The following WARS2 variants were observed in gnomAD, a reference collection of about 807,000 sequenced individuals.
WARS2 encodes the protein tryptophanyl tRNA synthetase 2, mitochondrial.
A neutral mutation model predicts 36.5 loss-of-function variants in WARS2; 28 were observed. The observed-to-expected ratio is 0.77, with a 90% confidence interval of 0.57 to 1.05. WARS2 has a LOEUF of 1.05. WARS2 is among the 50% of genes least tolerant of loss of function. WARS2 has a pLI of 0.00. For synonymous variants in WARS2, 174 were observed against 178.4 expected, an observed-to-expected ratio of 0.98 and a Z score of 0.20; for missense variants, 435 against 456.8, an observed-to-expected ratio of 0.95 and a Z score of 0.44.
At chr1:119,077,845 T>C (rs1055497842) in intron 1 of WARS2, among the ~76,000 whole-genome samples, 4 of 152,198 alleles carry the variant, frequency 2.6e-5, no homozygotes, top group Admixed American at 6.5e-5. Flanking sequence ...AAAATGAGTA[T>C]GTATCAATAA....
At chr1:119,075,773 T>C (rs1651680839) in intron 2 of WARS2, among the ~76,000 whole-genome samples, 1 of 152,202 alleles carries the variant, frequency 6.6e-6, no homozygotes. Context: ...TCATCCATAG[T>C]GAAGATATGA....
intron 1 of WARS2, among the ~76,000 whole-genome samples, chr1:119,108,492 C>A (rs1435617606): frequency 1.3e-5 from 2 of 151,938 alleles, no homozygotes; most frequent in African/African-American, 4.8e-5. Context: ...ATAACATCCC[C>A]TTATTATCCT....
At chr1:119,111,921 A>AG in intron 1 of WARS2, among the ~76,000 whole-genome samples, 1 of 151,238 alleles carries the variant, frequency 6.6e-6, no homozygotes, top group Admixed American at 6.6e-5. Context: ...GAGTTTGTTC[A>AG]GATTTTTTTT....
intron 2 of WARS2, among the ~76,000 whole-genome samples, chr1:119,062,155 CTACACCTATGAG>C (rs1181003494): frequency 6.6e-6 from 1 of 152,148 alleles, no homozygotes; most frequent in Non-Finnish European, 1.5e-5. Context: ...AAAATAGTTC[CTACACCTATGAG>C]TACACCTGGA....
At chr1:119,100,197 G>GA (rs756398620) in intron 1 of WARS2, among the ~76,000 whole-genome samples, 17 of 152,054 alleles carry the variant, frequency 1.1e-4, no homozygotes, top group Non-Finnish European at 2.2e-4. Context: ...ACAGGTATTT[G>GA]AAAAAATCTT....
At chr1:119,102,752 T>C (rs911245019) in intron 1 of WARS2, among the ~76,000 whole-genome samples, 5 of 152,200 alleles carry the variant, frequency 3.3e-5, no homozygotes, top group African/African-American at 4.8e-5. Flanking sequence ...ATCTGCTTTC[T>C]TACCCACAGA....
intron 4 of WARS2, among the ~76,000 whole-genome samples, chr1:119,034,497 A>C (rs1647708436): frequency 6.6e-6 from 1 of 152,194 alleles, no homozygotes; most frequent in Non-Finnish European, 1.5e-5. Context: ...GATTTTAAAT[A>C]GCATATGCTC....
At chr1:119,063,956 A>C (rs1463436287) in intron 2 of WARS2, 1 of 152,162 alleles carries the variant, frequency 6.6e-6, no homozygotes, top group African/African-American at 2.4e-5. Flanking sequence ...AGAAGAGGCC[A>C]CCATCCTCCA....
chr1:119,127,256 G>A (rs587679659), intron 1 of WARS2: 56 of 762,676 alleles, frequency 7.3e-5, no homozygotes, highest in South Asian at 5.4e-4. Flanking sequence ...CCTTTTTGCC[G>A]CCTTTCATAA....
In WARS2 at chr1:119,033,239, C is replaced by A. The variant is rs765994519; in HGVS notation, c.755G>T (p.Arg252Leu). 3.7e-6 allele frequency: 6 copies of A among 1,614,128 alleles called. No individual in the cohort carries two copies. Among genetic ancestry groups the A allele is most frequent in the Non-Finnish European group, 5.1e-6 (6 of 1,180,044 alleles). ...DSPEEIVQKF[R>L]KAVTDFTSEV... Reference sequence around the variant, plus strand: ...CGAGGTGAAGTCTGTCACAGCCTTGCGGAATTTCTGCACTATCTCCTCTGG... The same window carrying A: ...CGAGGTGAAGTCTGTCACAGCCTTGAGGAATTTCTGCACTATCTCCTCTGG... Residue 252 changes from arginine to leucine, a missense_variant, in exon 6 of 6, where the codon CGC (arginine) becomes CTC (leucine). Transcript: ENST00000235521.
intron 1 of WARS2, among the ~76,000 whole-genome samples, chr1:119,098,532 G>C (rs587618756): frequency 6.6e-6 from 1 of 152,018 alleles, no homozygotes; most frequent in East Asian, 2.0e-4. Context: ...CTGCCCCCTG[G>C]GTTCAAGCGA....
intron 2 of WARS2, among the ~76,000 whole-genome samples, chr1:119,054,291 G>A (rs903316531): frequency 6.6e-6 from 1 of 151,820 alleles, no homozygotes; most frequent in Non-Finnish European, 1.5e-5. Flanking sequence ...ACATATGAAA[G>A]AGATGCCCAA....
intron 1 of WARS2, among the ~76,000 whole-genome samples, chr1:119,111,251 G>T (rs899550792): frequency 6.6e-6 from 1 of 152,112 alleles, no homozygotes; most frequent in Non-Finnish European, 1.5e-5. Context: ...CAGTAAACAG[G>T]CTTTTAATAG....
chr1:119,055,743 G>A (rs562696628), intron 2 of WARS2, among the ~76,000 whole-genome samples: 11 of 151,232 alleles, frequency 7.3e-5, no homozygotes, highest in African/African-American at 9.7e-5. Context: ...AAGAGGGAGG[G>A]AGGGAGGAAG....
chr1:119,057,379 C>T (rs1385743679), intron 2 of WARS2, among the ~76,000 whole-genome samples: 1 of 150,968 alleles, frequency 6.6e-6, no homozygotes, highest in African/African-American at 2.4e-5. Flanking sequence ...CTCCTGATCT[C>T]GTGATCCTCC....
intron 1 of WARS2, chr1:119,085,490 T>G (rs1652576193): frequency 1.3e-6 from 2 of 1,576,542 alleles, no homozygotes; most frequent in South Asian, 1.2e-5. Context: ...TGCGCTTTTT[T>G]GTTGGTTTTT....
At chr1:119,134,636 G>A (rs1177192308) in intron 1 of WARS2, among the ~76,000 whole-genome samples, 1 of 152,142 alleles carries the variant, frequency 6.6e-6, no homozygotes, top group Admixed American at 6.5e-5. Context: ...TCAAGAAATG[G>A]TAGAGAGAGA....
chr1:119,136,245 CTT>C lies in WARS2; in HGVS notation c.90+4308_90+4309del, dbSNP rs147512084. 7.5e-3 allele frequency among the ~76,000 whole-genome samples: 1,148 copies of C among 152,284 alleles called. 25 individuals carry two copies. The highest frequency in any genetic ancestry group is 0.051 in the East Asian group (265 of 5,186). Reference sequence around the variant, plus strand: ...ATTTGGAGGTCAGCAGCATCACTCTCTTCAGCATTTCCAGGCCATGGCTGCCG... The same window carrying C: ...ATTTGGAGGTCAGCAGCATCACTCTCCAGCATTTCCAGGCCATGGCTGCCG... On this transcript the variant is annotated intron_variant, in intron 1 of 5. Coordinates refer to ENST00000235521, the MANE Select transcript of WARS2 (RefSeq NM_015836.4).
At chr1:119,049,539 T>C (rs1649156718) in intron 2 of WARS2, among the ~76,000 whole-genome samples, 1 of 152,232 alleles carries the variant, frequency 6.6e-6, no homozygotes, top group Admixed American at 6.5e-5. Context: ...ACCTTGCTGA[T>C]GACCTCCAGA....
Sources: allele counts gnomAD v4.1 joint callset (sites outside exome capture counted in the v4.1 genomes callset), GRCh38; gene constraint gnomAD v4.1.1; transcripts MANE v1.5; gene names NCBI Gene and HGNC (gene_info 2026-07-23, HGNC 2026-07-21).